Variants in KAZN observed in about 807,000 individuals in gnomAD.
KAZN encodes kazrin.
In KAZN, 40 loss-of-function variants were observed where a neutral mutation model predicts 87.4. That is an observed-to-expected ratio of 0.46 (90% CI 0.36 to 0.60). KAZN has a LOEUF of 0.60. Among genes scored for constraint, KAZN ranks in the 20% least tolerant of loss-of-function variants. The pLI is 0.00. For missense variants in KAZN, 898 were observed against 1,073.9 expected (o/e 0.84, Z 2.29); for synonymous variants, 466 against 458.3 (o/e 1.02, Z -0.22).
rs1456954807 is a variant in KAZN at position 14,133,380 on chromosome 1, AGAAAGAAAGAAAGAAAGAAAGAAAG to A, written c.92-47054_92-47030del. On this transcript the variant is annotated intron_variant, in intron 1 of 16. Transcript: ENST00000636203. ...GACTCCCTCTCAAAAAAAAAAAAAA[AGAAAGAAAGAAAGAAAGAAAGAAAG>A]AAAGAAAGAAAGAAAGAAAGAAAGA... Among the ~76,000 whole-genome samples the A allele has an allele frequency of 2.1e-3, 45 of 21,524 alleles. 7 individuals carry two copies. Among genetic ancestry groups the A allele is most frequent in the African/African-American group, 7.1e-3 (44 of 6,192 alleles). 14.1% of individuals were successfully genotyped at this position (21,524 alleles called of 152,430 possible).
chr1:15,024,575 G>A (rs188014514), intron 2 of KAZN, among the ~76,000 whole-genome samples: 1 of 152,332 alleles, frequency 6.6e-6, no homozygotes, highest in African/African-American at 2.4e-5. Context: ...CAGATGGTCC[G>A]AGGAGCCTCT....
chr1:14,914,875 A>G (rs1440752522), intron 1 of KAZN, among the ~76,000 whole-genome samples: 1 of 152,244 alleles, frequency 6.6e-6, no homozygotes, highest in Non-Finnish European at 1.5e-5. Context: ...TGGTACTTAC[A>G]TAGTACTTCT....
At chr1:14,229,880 C>T (rs1647646981) in intron 2 of KAZN, among the ~76,000 whole-genome samples, 2 of 152,246 alleles carry the variant, frequency 1.3e-5, no homozygotes, top group African/African-American at 4.8e-5. Flanking sequence ...CTCATTTGGT[C>T]CAGCAACCTG....
intron 6 of KAZN, chr1:15,061,608 C>G (rs1458141391): frequency 1.3e-5 from 2 of 152,196 alleles, no homozygotes; most frequent in Non-Finnish European, 2.9e-5. Flanking sequence ...CAACCAACAC[C>G]TTCCAGGCTC....
intron 2 of KAZN, among the ~76,000 whole-genome samples, chr1:14,964,636 GA>G (rs1664247749): frequency 6.6e-6 from 1 of 152,232 alleles, no homozygotes; most frequent in Admixed American, 6.5e-5. Context: ...ATAATGAGGA[GA>G]GGGGGAATAA....
At chr1:14,689,923 C>T (rs1641182306) in intron 1 of KAZN, among the ~76,000 whole-genome samples, 1 of 152,100 alleles carries the variant, frequency 6.6e-6, no homozygotes, top group Admixed American at 6.5e-5. Context: ...AGGGTTATTC[C>T]CAATTAACAG....
intron 2 of KAZN, among the ~76,000 whole-genome samples, chr1:14,364,356 C>T (rs1160117993): frequency 1.3e-5 from 2 of 152,050 alleles, no homozygotes; most frequent in African/African-American, 4.8e-5. Flanking sequence ...TAATTATAGC[C>T]GCTGCCTCCT....
intron 1 of KAZN, among the ~76,000 whole-genome samples, chr1:13,940,475 A>T (rs191871018): frequency 6.6e-6 from 1 of 152,164 alleles, no homozygotes; most frequent in Non-Finnish European, 1.5e-5. Flanking sequence ...CTGTGGTGTC[A>T]GTTGTAATGC....
At chr1:14,806,259 G>T (rs186009400) in intron 1 of KAZN, among the ~76,000 whole-genome samples, 4 of 152,314 alleles carry the variant, frequency 2.6e-5, no homozygotes, top group African/African-American at 7.2e-5. Context: ...GCTCGTTAAT[G>T]GTTCCATCAC....
At chr1:14,590,297 C>T (rs1436917602) in intron 2 of KAZN, among the ~76,000 whole-genome samples, 1 of 152,146 alleles carries the variant, frequency 6.6e-6, no homozygotes, top group Non-Finnish European at 1.5e-5. Context: ...ATAACAAATG[C>T]ACCAGCCACA....
At chr1:13,996,742 T>C (rs1639536587) in intron 1 of KAZN, among the ~76,000 whole-genome samples, 1 of 152,214 alleles carries the variant, frequency 6.6e-6, no homozygotes, top group Non-Finnish European at 1.5e-5. Flanking sequence ...GGCCACAGTC[T>C]CTGCAGACCA....
intron 2 of KAZN, among the ~76,000 whole-genome samples, chr1:14,983,775 C>A (rs532805732): frequency 6.6e-6 from 1 of 151,256 alleles, no homozygotes; most frequent in African/African-American, 2.4e-5. Flanking sequence ...AACCCTGTCT[C>A]TACTGAAAAT....
intron 2 of KAZN, among the ~76,000 whole-genome samples, chr1:14,412,952 A>G (rs1009238009): frequency 1.1e-4 from 17 of 148,876 alleles, no homozygotes; most frequent in African/African-American, 4.1e-4. Flanking sequence ...TATATAATAC[A>G]TAAATATATA....
intron 2 of KAZN, among the ~76,000 whole-genome samples, chr1:14,590,965 G>A (rs143994629): frequency 8.5e-5 from 13 of 152,222 alleles, no homozygotes; most frequent in Admixed American, 2.0e-4. Flanking sequence ...CCCCTCCCCC[G>A]ACACCAAAGG....
intron 1 of KAZN, among the ~76,000 whole-genome samples, chr1:13,899,736 T>C (rs2100834569): frequency 6.6e-6 from 1 of 150,608 alleles, no homozygotes; most frequent in South Asian, 2.1e-4. Flanking sequence ...CTCCGCCTCC[T>C]GGGTTCAAGT....
intron 2 of KAZN, among the ~76,000 whole-genome samples, chr1:14,217,999 T>C (rs943893694): frequency 6.6e-6 from 1 of 152,142 alleles, no homozygotes; most frequent in Non-Finnish European, 1.5e-5. Flanking sequence ...ATTTTTCCCA[T>C]GAGCTTTTTC....
rs1029285301 is a variant in KAZN at position 15,077,630 on chromosome 1, C to G, written c.1222+11877C>G. 1.3e-5 allele frequency among the ~76,000 whole-genome samples: 2 copies of G among 152,150 alleles called. No individual in the cohort carries two copies. The highest frequency in any genetic ancestry group is 3.9e-4 in the East Asian group (2 of 5,186). On this transcript the variant is annotated intron_variant, in intron 8 of 14. Transcript: ENST00000376030. The surrounding 1 kb of genome is among the most constrained non-coding windows in gnomAD (Gnocchi z 4.8). Reference sequence around the variant, plus strand: ...CTCAGTTGTTTTTTATAGTCACTACCGGAGTCTCTGGGACTCAGAGATGGG... The same window carrying G: ...CTCAGTTGTTTTTTATAGTCACTACGGGAGTCTCTGGGACTCAGAGATGGG...
At chr1:14,611,260 C>T (rs752165549) in intron 1 of KAZN, among the ~76,000 whole-genome samples, 4 of 152,170 alleles carry the variant, frequency 2.6e-5, no homozygotes, top group Non-Finnish European at 5.9e-5. Context: ...TCCAGAGCAA[C>T]AAGGAACGTT....
chr1:14,093,151 T>C (rs61775674), intron 1 of KAZN, among the ~76,000 whole-genome samples: 22,244 of 152,216 alleles, frequency 0.15, 2,191 homozygotes, highest in Middle Eastern at 0.27. Flanking sequence ...CCTCGCCACA[T>C]GTCTCTGTGC....
Sources: gnomAD v4.1 joint callset for allele counts (sites outside exome capture counted in the v4.1 genomes callset) on GRCh38, gnomAD v4.1.1 for gene constraint, Gnocchi (gnomAD v3.1) non-coding constraint, MANE v1.5 for transcripts, NCBI Gene and HGNC (gene_info 2026-07-23, HGNC 2026-07-21) for gene names.